ANK2: variants seen among roughly 807,000 people sequenced by gnomAD.
The protein encoded by ANK2 is ankyrin-2.
A neutral mutation model predicts 360.5 loss-of-function variants in ANK2; 83 were observed. The ratio of observed to expected loss-of-function variants is 0.23; its 90% CI spans 0.19 to 0.28. ANK2 has a LOEUF of 0.28. Ranked by LOEUF, ANK2 falls within the 10% of genes least tolerant of loss-of-function variation. ANK2 has a pLI of 1.00. For missense variants in ANK2, 4,201 were observed against 4,795.7 expected (o/e 0.88, Z 3.66); for synonymous variants, 1,740 against 1,759.5 (o/e 0.99, Z 0.28).
the ANK2 span, among the ~76,000 whole-genome samples, chr4:112,764,396 C>T: frequency 2.0e-5 from 3 of 151,682 alleles, no homozygotes; most frequent in Admixed American, 6.6e-5. Context: ...AACGCAATGG[C>T]CCGATCTCGG....
the ANK2 span, among the ~76,000 whole-genome samples, chr4:112,780,217 T>C: frequency 2.7e-5 from 4 of 150,356 alleles, no homozygotes; most frequent in Admixed American, 1.3e-4. Context: ...CAGTGAAAAC[T>C]CTGCAGCACT....
the ANK2 span, among the ~76,000 whole-genome samples, chr4:112,766,167 A>G: frequency 6.6e-5 from 10 of 152,040 alleles, no homozygotes; most frequent in Non-Finnish European, 1.2e-4. Context: ...CCCCATCTCT[A>G]TTAAAAATAC....
chr4:112,971,826 A>G (rs2039653943), intron 2 of ANK2, among the ~76,000 whole-genome samples: 1 of 152,226 alleles, frequency 6.6e-6, no homozygotes, highest in Non-Finnish European at 1.5e-5. Context: ...TATTTCCTCA[A>G]CGTACCCTAT....
At chr4:113,233,114 T>TG (rs2099335151) in intron 5 of ANK2, among the ~76,000 whole-genome samples, 1 of 6,866 alleles carries the variant, frequency 1.5e-4, no homozygotes, top group South Asian at 3.6e-3. Flanking sequence ...CTGTTTTTTT[T>TG]TTTTTTTTTT....
chr4:112,878,057 T>A (rs2075633615), intron 1 of ANK2, among the ~76,000 whole-genome samples: 1 of 152,214 alleles, frequency 6.6e-6, no homozygotes, highest in South Asian at 2.1e-4. Flanking sequence ...CCCTAGTTAG[T>A]CCCTCCAGGT....
chr4:112,833,891 C>T (rs150066735), intron 1 of ANK2, among the ~76,000 whole-genome samples: 1 of 152,332 alleles, frequency 6.6e-6, no homozygotes, highest in African/African-American at 2.4e-5. Context: ...ATCCCTGGTG[C>T]TCCAGTTCTC....
chr4:113,379,589 A>G (rs1564235619), intron 45 of ANK2, among the ~76,000 whole-genome samples: 2 of 152,290 alleles, frequency 1.3e-5, no homozygotes, highest in East Asian at 1.9e-4. Context: ...TAGTCAGAAA[A>G]GTGCCTTTTT....
At chr4:112,775,333 A>C in the ANK2 span, among the ~76,000 whole-genome samples, 5 of 152,146 alleles carry the variant, frequency 3.3e-5, no homozygotes, top group Non-Finnish European at 7.3e-5. Context: ...AGCCTGGCCA[A>C]CATGGTGAAA....
At chr4:113,349,667 A>G (rs528083002) in intron 36 of ANK2, among the ~76,000 whole-genome samples, 6 of 152,296 alleles carry the variant, frequency 3.9e-5, no homozygotes, top group Non-Finnish European at 4.4e-5. Flanking sequence ...ACAGCTGTTA[A>G]AAATGATAGG....
At chr4:112,714,112 G>A in the ANK2 span, among the ~76,000 whole-genome samples, 1 of 152,118 alleles carries the variant, frequency 6.6e-6, no homozygotes, top group Non-Finnish European at 1.5e-5. Context: ...ACTTCTTTGT[G>A]GATTTAATTT....
At chr4:113,348,228 C>A (rs753295884) in intron 35 of ANK2, 48 bp from the exon 36 acceptor site, 1 of 1,593,034 alleles carries the variant, frequency 6.3e-7, no homozygotes, top group Non-Finnish European at 8.6e-7. Flanking sequence ...ACTCTCTACT[C>A]TTCCTTCTCT....
rs112456773 is a variant in ANK2 at position 112,872,340 on chromosome 4, A to ATT, written c.-39-32102_-39-32101dup. On this transcript the variant is annotated intron_variant, in intron 1 of 30. Coordinates refer to the ANK2 transcript ENST00000503271. Reference sequence around the variant, plus strand: ...CCACCGTGTCCAGTCTTGCATCTGTATTTTTTTTTTTTTTGAGACAGAGTT... The same window carrying ATT: ...CCACCGTGTCCAGTCTTGCATCTGTATTTTTTTTTTTTTTTTGAGACAGAGTT... Among the ~76,000 whole-genome samples, 179 of 138,802 alleles carry ATT rather than the reference A, an allele frequency of 1.3e-3. 1 individual carries two copies. The highest frequency in any genetic ancestry group is 4.4e-3 in the African/African-American group (166 of 38,094). The allele number at this position is 138,802 out of a possible 152,430, so 91.1% of individuals were successfully genotyped here.
chr4:113,242,368 A>G (rs1285046311), intron 9 of ANK2, among the ~76,000 whole-genome samples, 159 bp downstream of exon 9: 1 of 152,230 alleles, frequency 6.6e-6, no homozygotes. Context: ...TAAAGGGTTC[A>G]TACCGTACAG....
At chr4:112,757,038 A>AAAATTGT in the ANK2 span, among the ~76,000 whole-genome samples, 3 of 152,136 alleles carry the variant, frequency 2.0e-5, no homozygotes, top group Non-Finnish European at 4.4e-5. Context: ...TCACTTAAAA[A>AAAATTGT]AAATTGTTCT....
chr4:112,773,609 G>C, the ANK2 span, among the ~76,000 whole-genome samples: 1 of 152,080 alleles, frequency 6.6e-6, no homozygotes, highest in Non-Finnish European at 1.5e-5. Flanking sequence ...ATCATGATTA[G>C]TCAGATTTGA....
intron 1 of ANK2, among the ~76,000 whole-genome samples, chr4:113,093,898 T>G (rs1282076455): frequency 6.6e-6 from 1 of 152,228 alleles, no homozygotes; most frequent in Admixed American, 6.5e-5. Flanking sequence ...AAATATCAAC[T>G]CTATGATAAC....
chr4:112,994,408 A>C (rs1394246084), intron 2 of ANK2, among the ~76,000 whole-genome samples: 1 of 152,232 alleles, frequency 6.6e-6, no homozygotes, highest in South Asian at 2.1e-4. Context: ...AAAGAAAAGT[A>C]ATGTGATCTT....
In ANK2 at chr4:112,821,687, G is replaced by A. The variant is rs947184233; in HGVS notation, c.-40+3423G>A. ...TGTCTTCTACCCTAATTAATAAGGGGGATTATTGTTCAGTTATGGCAAATC... is the reference window on the plus strand; with the variant it reads ...TGTCTTCTACCCTAATTAATAAGGGAGATTATTGTTCAGTTATGGCAAATC... On this transcript the variant is annotated intron_variant, in intron 1 of 30. Transcript: ENST00000503271. 3.3e-5 allele frequency among the ~76,000 whole-genome samples: 5 copies of A among 151,308 alleles called. 1 individual carries two copies. In the South Asian group the frequency reaches 1.0e-3, roughly 32 times the overall value.
intron 23 of ANK2, among the ~76,000 whole-genome samples, chr4:113,305,111 C>T (rs913721688): frequency 2.6e-5 from 4 of 151,502 alleles, no homozygotes; most frequent in Admixed American, 6.6e-5. Flanking sequence ...GAGGCCGAGG[C>T]GGGCGGATCA....
Sources: allele counts gnomAD v4.1 joint callset (sites outside exome capture counted in the v4.1 genomes callset), GRCh38; gene constraint gnomAD v4.1.1; transcripts MANE v1.5; gene names NCBI Gene and HGNC (gene_info 2026-07-23, HGNC 2026-07-21).